NSD1: variants seen among roughly 807,000 people sequenced by gnomAD.
NSD1 encodes nuclear receptor binding SET domain protein 1, also known as histone-lysine N-methyltransferase, H3 lysine-36 specific.
NSD1 carries 26 observed loss-of-function variants against 242.7 expected under a neutral mutation model. That is an observed-to-expected ratio of 0.11 (90% CI 0.08 to 0.15). NSD1 has a LOEUF of 0.15. Among genes scored for constraint, NSD1 ranks in the 10% least tolerant of loss-of-function variants. NSD1 has a pLI of 1.00. For missense variants in NSD1, 2,495 were observed against 3,272.8 expected, an observed-to-expected ratio of 0.76 and a Z score of 5.80; for synonymous variants, 1,106 against 1,178.1, an observed-to-expected ratio of 0.94 and a Z score of 1.25.
intron 5 of NSD1, among the ~76,000 whole-genome samples, chr5:177,217,130 C>T (rs1345460824): frequency 6.6e-6 from 1 of 151,906 alleles, no homozygotes; most frequent in Non-Finnish European, 1.5e-5. Context: ...TTAAGTTTTC[C>T]AATCCATGAA....
intron 5 of NSD1, among the ~76,000 whole-genome samples, chr5:177,215,397 A>G (rs564264985): frequency 1.3e-5 from 2 of 151,778 alleles, no homozygotes; most frequent in African/African-American, 4.8e-5. Flanking sequence ...GCTGGTGTCG[A>G]ACTCCTGACC....
chr5:177,158,245 CTTT>C (rs1758306281), intron 2 of NSD1, among the ~76,000 whole-genome samples: 3 of 53,272 alleles, frequency 5.6e-5, no homozygotes, highest in Non-Finnish European at 1.2e-4. Context: ...TAATTTCTTT[CTTT>C]CTTTCTTTCT....
intron 2 of NSD1, among the ~76,000 whole-genome samples, chr5:177,174,479 T>A (rs1388142805): frequency 6.6e-6 from 1 of 151,736 alleles, no homozygotes; most frequent in Admixed American, 6.6e-5. Context: ...CCTCCCCAAG[T>A]GCTGGGATTA....
chr5:177,200,380 C>G (rs1762425693), intron 3 of NSD1, among the ~76,000 whole-genome samples: 2 of 152,132 alleles, frequency 1.3e-5, no homozygotes, highest in African/African-American at 4.8e-5. Context: ...AGGTGCTGTC[C>G]TGCCTCAGCC....
intron 3 of NSD1, among the ~76,000 whole-genome samples, chr5:177,197,486 G>A (rs187681700): frequency 1.3e-5 from 2 of 152,166 alleles, no homozygotes; most frequent in Non-Finnish European, 2.9e-5. Flanking sequence ...GCTGGGCAGG[G>A]TGGCGGGCGC....
chr5:177,221,098 C>T (rs1461998828), intron 5 of NSD1: 2 of 444,974 alleles, frequency 4.5e-6, no homozygotes, highest in Non-Finnish European at 9.0e-6. Context: ...GTCTTGAACT[C>T]CTAGCCTGAA....
chr5:177,192,706 T>C (rs1336393010), intron 3 of NSD1, among the ~76,000 whole-genome samples: 2 of 152,210 alleles, frequency 1.3e-5, no homozygotes, highest in African/African-American at 2.4e-5. Flanking sequence ...AATTTTTGTA[T>C]TTTTAGTAGA....
chr5:177,222,291 G>C (rs948853734), intron 5 of NSD1, among the ~76,000 whole-genome samples: 3 of 152,132 alleles, frequency 2.0e-5, no homozygotes, highest in African/African-American at 7.2e-5. Flanking sequence ...ACCACGCCCA[G>C]CTAATTTTTG....
At position 177,295,080 on chromosome 5, in the gene NSD1, G is replaced by A. The variant is rs371356618; in HGVS notation, c.7712G>A (p.Ser2571Asn). 11 of 1,611,940 alleles carry A rather than the reference G, an allele frequency of 6.8e-6. No homozygotes were observed. The highest frequency in any genetic ancestry group is 7.6e-6 in the Non-Finnish European group (9 of 1,178,768). The change falls in exon 23 of 23, where the codon AGC (serine) becomes AAC (asparagine). Residue 2571 changes from serine to asparagine, a missense_variant. By Grantham distance (46) the Ser-to-Asn change is conservative. This residue lies in a region of NSD1 where 475 missense variants were observed against 563.7 expected (regional missense o/e 0.84). Transcript: ENST00000439151. This position sits in a 1 kb window ranked among gnomAD's most constrained non-coding sequence, Gnocchi z 4.3. Reference protein sequence around the residue: ...AGAEQTPGPLSQSPGLVKQAK... With the variant: ...AGAEQTPGPLNQSPGLVKQAK... ...GCTGAGCAGACCCCAGGGCCTCTTA[G>A]CCAATCCCCGGGCCTGGTGAAGCAG... is the stretch of plus-strand genomic sequence containing the variant.
chr5:177,229,766 T>G (rs1414678801), intron 5 of NSD1: 1 of 410,370 alleles, frequency 2.4e-6, no homozygotes, highest in East Asian at 1.0e-4. Flanking sequence ...TTTTTTGAGG[T>G]GGAGTCTTGC....
At chr5:177,158,245 C>CT (rs1393517942) in intron 2 of NSD1, among the ~76,000 whole-genome samples, 1 of 53,328 alleles carries the variant, frequency 1.9e-5, no homozygotes, top group South Asian at 6.0e-4. Context: ...TAATTTCTTT[C>CT]TTTCTTTCTT....
rs534289305 is a variant in NSD1, at chr5:177,215,783, G to A, written c.3796+3588G>A. On this transcript the variant is annotated intron_variant, in intron 5 of 22. Coordinates refer to ENST00000439151, the MANE Select transcript of NSD1 (RefSeq NM_022455.5). Reference sequence around the variant, plus strand: ...GTTGGGATTATAGGTGTGAGCCACCGCACCCGGCCTACTTTTAATTTGATG... The same window carrying A: ...GTTGGGATTATAGGTGTGAGCCACCACACCCGGCCTACTTTTAATTTGATG... Among the ~76,000 whole-genome samples the A allele has an allele frequency of 5.9e-5, 9 of 152,164 alleles. No individual in the cohort carries two copies. The East Asian group carries it at 1.5e-3, about 26-fold the overall frequency.
rs1760124614 is a variant in NSD1 at position 177,294,660 on chromosome 5, C to A, written c.7292C>A (p.Thr2431Asn). The change falls in exon 23 of 23, where the codon ACC becomes AAC. Residue 2431 changes from threonine to asparagine, a missense_variant. Thr to Asn is a moderately conservative substitution (Grantham distance 65). Transcript: ENST00000439151. ...AAAGTACTATCAGCTGTGGTCCAGACCCTTGTAGCTAAAGAAAAAGCACTG... is the reference window on the plus strand; with the variant it reads ...AAAGTACTATCAGCTGTGGTCCAGAACCTTGTAGCTAAAGAAAAAGCACTG... The part of the protein sequence containing the change: ...PEKVLSAVVQ[T>N]LVAKEKALRP... 1.2e-6 allele frequency: 2 copies of A among 1,614,076 alleles called. No individual in the cohort carries two copies. Among genetic ancestry groups the A allele is most frequent in the Non-Finnish European group, 1.7e-6 (2 of 1,180,042 alleles).
intron 17 of NSD1, among the ~76,000 whole-genome samples, chr5:177,279,618 T>A (rs1426747538): frequency 9.2e-6 from 1 of 109,244 alleles, no homozygotes; most frequent in Non-Finnish European, 1.9e-5. Context: ...AAATTTTTTT[T>A]TTTTTTTTTT....
upstream of NSD1, among the ~76,000 whole-genome samples, chr5:177,131,901 CGCTTAGCGCCCT>C (rs954840544): frequency 2.6e-5 from 4 of 152,168 alleles, no homozygotes; most frequent in Non-Finnish European, 5.9e-5. Context: ...AGCGAGAAGG[CGCTTAGCGCCCT>C]AGGGACCAGG....
rs557692149 is a variant in NSD1, at chr5:177,231,720, C to G, written c.3797-4101C>G. 3.9e-5 allele frequency among the ~76,000 whole-genome samples: 6 copies of G among 152,004 alleles called. No homozygotes were observed. In the South Asian group the frequency reaches 1.2e-3, roughly 32 times the overall value. On this transcript the variant is annotated intron_variant, in intron 5 of 22. Transcript: ENST00000439151. Reference sequence around the variant, plus strand: ...CAAGCATGAGTCACTGCGCCCAAACCGTGACAAGATTTTTTTAAAGGACGT... The same window carrying G: ...CAAGCATGAGTCACTGCGCCCAAACGGTGACAAGATTTTTTTAAAGGACGT...
intron 2 of NSD1, among the ~76,000 whole-genome samples, chr5:177,136,681 C>T (rs909449897): frequency 1.3e-5 from 2 of 151,534 alleles, no homozygotes; most frequent in African/African-American, 4.9e-5. Flanking sequence ...GCAACCTCTG[C>T]CTCTTGGGTT....
Position 177,295,296 on chromosome 5 carries a change from A to G in NSD1, c.7928A>G (p.Gln2643Arg), listed in dbSNP as rs1423499586. 10 of 1,614,134 alleles carry G rather than the reference A, an allele frequency of 6.2e-6. No individual in the cohort carries two copies. Among genetic ancestry groups the G allele is most frequent in the Non-Finnish European group, 8.5e-6 (10 of 1,180,046 alleles). Residue 2643 changes from glutamine (Q) to arginine (R), a missense_variant, in exon 23 of 23, where the codon CAG becomes CGG. Physicochemically the swap from Gln to Arg is conservative, Grantham distance 43. This residue lies in a region of NSD1 where 475 missense variants were observed against 563.7 expected (regional missense o/e 0.84). Coordinates refer to ENST00000439151, the MANE Select transcript of NSD1 (RefSeq NM_022455.5). This position sits in a 1 kb window ranked among gnomAD's most constrained non-coding sequence, Gnocchi z 4.3. ...RAGLWPIVAG[Q>R]TLAQSCWSAG... ...GGGCTCTGGCCCATAGTGGCTGGACAGACACTGGCACAGTCTTGCTGGTCT... is the reference window on the plus strand; with the variant it reads ...GGGCTCTGGCCCATAGTGGCTGGACGGACACTGGCACAGTCTTGCTGGTCT...
rs772447375 is a variant in NSD1, at chr5:177,210,730, A to G, written c.2331A>G (p.Leu777=). ...AGGGTGGGGCAGCAAATCAAGCTCT[A>G]TTACATTCGAAAAGCAAACAGCCCA... The part of the protein sequence containing the change: ...LIKGGAANQA[L]LHSKSKQPKF... Residue 777 remains leucine (L), a synonymous_variant, in exon 5 of 23, where the codon CTA becomes CTG. Transcript: ENST00000439151. The G allele has an allele frequency of 5.6e-6, 9 of 1,614,222 alleles. No homozygotes were observed. Among genetic ancestry groups the G allele is most frequent in the Non-Finnish European group, 6.8e-6 (8 of 1,180,034 alleles).
Sources: gnomAD v4.1 joint callset for allele counts (sites outside exome capture counted in the v4.1 genomes callset) on GRCh38, gnomAD v4.1.1 for gene constraint, gnomAD v4.1.1 regional missense constraint, Gnocchi (gnomAD v3.1) non-coding constraint, MANE v1.5 for transcripts, NCBI Gene and HGNC (gene_info 2026-07-23, HGNC 2026-07-21) for gene names.